Variants in OPHN1 observed in about 807,000 individuals in gnomAD.
OPHN1 encodes the protein oligophrenin 1.
A neutral mutation model predicts 60.7 loss-of-function variants in OPHN1; 11 were observed. The observed-to-expected ratio is 0.18, with a 90% CI of 0.11 to 0.30. The LOEUF is 0.30. OPHN1 is among the 10% of genes least tolerant of loss of function. The pLI, the probability that OPHN1 is intolerant of heterozygous loss-of-function variation, is 1.00. For synonymous variants in OPHN1, 226 were observed against 222.6 expected (o/e 1.02, Z -0.14); for missense variants, 449 against 611.0 (o/e 0.73, Z 2.80).
intron 15 of OPHN1, among the ~76,000 whole-genome samples, chrX:68,190,652 G>A (rs1169632697): frequency 8.9e-6 from 1 of 111,921 alleles, no homozygotes; most frequent in Non-Finnish European, 1.9e-5. Context: ...AAGCCCATAA[G>A]AGAATCAGTG....
chrX:68,090,312 A>G (rs2077012673), intron 19 of OPHN1, among the ~76,000 whole-genome samples: 1 of 109,597 alleles, frequency 9.1e-6, no homozygotes, highest in Non-Finnish European at 1.9e-5. Flanking sequence ...TAAAATACAA[A>G]TGTATAAAAT....
chrX:68,403,574 A>G (rs2078725862), intron 2 of OPHN1, among the ~76,000 whole-genome samples: 1 of 111,341 alleles, frequency 9.0e-6, no homozygotes, highest in African/African-American at 3.3e-5. Flanking sequence ...CAATTTGCAG[A>G]AATCTAAGCA....
At chrX:68,393,885 G>GTTTGTTTT (rs2078667077) in intron 2 of OPHN1, among the ~76,000 whole-genome samples, 11 of 34,587 alleles carry the variant, frequency 3.2e-4, no homozygotes, top group Non-Finnish European at 4.9e-4. Flanking sequence ...AATAGACTTT[G>GTTTGTTTT]TTTTTTTTTT....
chrX:68,334,532 G>A (rs1413605776), intron 2 of OPHN1, among the ~76,000 whole-genome samples: 2 of 111,627 alleles, frequency 1.8e-5, no homozygotes, highest in Non-Finnish European at 3.8e-5. Context: ...TTTTGATATC[G>A]ATGAATTTCC....
intron 15 of OPHN1, among the ~76,000 whole-genome samples, chrX:68,186,915 C>T (rs1461999797): frequency 8.9e-6 from 1 of 111,927 alleles, no homozygotes; most frequent in Non-Finnish European, 1.9e-5. Context: ...AATACCAATA[C>T]TGGGGAGTCA....
At chrX:68,370,506 CAA>C (rs768456592) in intron 2 of OPHN1, among the ~76,000 whole-genome samples, 8 of 45,183 alleles carry the variant, frequency 1.8e-4, no homozygotes, top group Non-Finnish European at 2.5e-4. Context: ...GACTCCGTCT[CAA>C]AAAAAAAAAA....
intron 15 of OPHN1, among the ~76,000 whole-genome samples, chrX:68,169,708 T>C (rs2077379789): frequency 9.2e-6 from 1 of 108,440 alleles, no homozygotes. Flanking sequence ...TAAATGGTGC[T>C]GGGAAAACTG....
At chrX:68,363,438 T>A (rs1200417094) in intron 2 of OPHN1, among the ~76,000 whole-genome samples, 1 of 110,280 alleles carries the variant, frequency 9.1e-6, no homozygotes, top group East Asian at 2.9e-4. Context: ...GTCTCCCAAG[T>A]ATCTGGGATT....
Position 68,171,658 on chromosome X carries a change from C to T in OPHN1, c.1276+21261G>A, listed in dbSNP as rs183768767. ...GGCTGAGGCAGGAGAATCACTTGAA[C>T]CCGGGAGGTGGAGGCTGCAGTGAGC... On this transcript the variant is annotated intron_variant, in intron 15 of 24. Coordinates refer to ENST00000355520, the MANE Select transcript of OPHN1 (RefSeq NM_002547.3). Among the ~76,000 whole-genome samples, 62 of 110,621 alleles carry T rather than the reference C, an allele frequency of 5.6e-4. 1 individual carries two copies. The highest frequency in any genetic ancestry group is 1.1e-4 in the Non-Finnish European group (6 of 52,934).
At chrX:68,211,527 A>AT (rs760528444) in intron 8 of OPHN1, among the ~76,000 whole-genome samples, 108 of 112,544 alleles carry the variant, frequency 9.6e-4, no homozygotes, top group Non-Finnish European at 1.7e-3. Context: ...GCTTATGTTC[A>AT]TTTTTTCCAT....
chrX:68,433,112 AGC>A (rs1210064071), intron 1 of OPHN1, 54 bp downstream of exon 1: 87 of 942,469 alleles, frequency 9.2e-5, no homozygotes, highest in Middle Eastern at 3.9e-4. Context: ...GGACGGACTG[AGC>A]GCGCGACCCG....
chrX:68,373,188 C>G (rs938089956), intron 2 of OPHN1, among the ~76,000 whole-genome samples: 33 of 112,601 alleles, frequency 2.9e-4, no homozygotes, highest in African/African-American at 1.0e-3. Flanking sequence ...GGTTTTGACA[C>G]CAAAGCAGCA....
chrX:68,428,761 G>A (rs1483278579), intron 2 of OPHN1, among the ~76,000 whole-genome samples: 3 of 111,664 alleles, frequency 2.7e-5, no homozygotes, highest in African/African-American at 9.8e-5. Flanking sequence ...ACAACATTGG[G>A]GACTGAAGCT....
intron 5 of OPHN1, among the ~76,000 whole-genome samples, chrX:68,264,872 G>A (rs1159344987): frequency 8.9e-6 from 1 of 112,607 alleles, no homozygotes; most frequent in Non-Finnish European, 1.9e-5. Flanking sequence ...GACACACCAG[G>A]AGATTATATC....
chrX:68,383,699 T>A (rs1278910739), intron 2 of OPHN1, among the ~76,000 whole-genome samples: 3 of 106,224 alleles, frequency 2.8e-5, no homozygotes, highest in Non-Finnish European at 5.8e-5. Context: ...GGAAAACAAC[T>A]GGCCCTCCAG....
At chrX:68,076,583 T>C (rs2076954700) in intron 19 of OPHN1, among the ~76,000 whole-genome samples, 1 of 111,899 alleles carries the variant, frequency 8.9e-6, no homozygotes, top group Admixed American at 9.5e-5. Flanking sequence ...GAAAGTACAA[T>C]GATACAGTTA....
intron 10 of OPHN1, 132 bp downstream of exon 10, chrX:68,206,441 G>A: frequency 3.8e-6 from 2 of 531,196 alleles, no homozygotes; most frequent in Non-Finnish European, 3.3e-6. Flanking sequence ...CTTAGGCCAA[G>A]GTGTACATAT....
At chrX:68,225,409 G>A (rs764876914) in intron 6 of OPHN1, among the ~76,000 whole-genome samples, 5 of 112,054 alleles carry the variant, frequency 4.5e-5, no homozygotes, top group East Asian at 5.7e-4. Flanking sequence ...ATCTGAGAAC[G>A]GACAGACTGC....
At chrX:68,197,887 TATA>T (rs2077519438) in intron 11 of OPHN1, among the ~76,000 whole-genome samples, 1 of 111,193 alleles carries the variant, frequency 9.0e-6, no homozygotes, top group East Asian at 2.8e-4. Context: ...AGTTAATATA[TATA>T]ATAAGGCAGT....
Sources: allele counts gnomAD v4.1 joint callset (sites outside exome capture counted in the v4.1 genomes callset), GRCh38; gene constraint gnomAD v4.1.1; transcripts MANE v1.5; gene names NCBI Gene and HGNC (gene_info 2026-07-23, HGNC 2026-07-21).